UGGT2: variants seen among roughly 807,000 people sequenced by gnomAD.
UGGT2 encodes UDP-glucose:glycoprotein glucosyltransferase 2.
UGGT2 carries 180 observed loss-of-function variants against 192.1 expected under a neutral mutation model. The observed-to-expected ratio is 0.94, with a 90% CI of 0.83 to 1.06. The LOEUF (loss-of-function observed/expected upper bound fraction) is 1.06, where lower values mean the gene tolerates loss of function less well. Among genes scored for constraint, UGGT2 ranks in the 50% least tolerant of loss-of-function variants. The pLI is 0.00. For synonymous variants in UGGT2, 580 were observed against 591.0 expected (o/e 0.98, Z 0.27); for missense variants, 1,849 against 1,795.7 (o/e 1.03, Z -0.54).
chr13:95,855,664 C>A (rs1213975970), intron 34 of UGGT2, among the ~76,000 whole-genome samples: 1 of 152,010 alleles, frequency 6.6e-6, no homozygotes, highest in Non-Finnish European at 1.5e-5. Flanking sequence ...GCTGAGACTA[C>A]AGGCATAAGC....
intron 5 of UGGT2, among the ~76,000 whole-genome samples, chr13:95,999,521 A>G (rs1380435276): frequency 6.6e-6 from 1 of 152,230 alleles, no homozygotes; most frequent in African/African-American, 2.4e-5. Context: ...CTTTGTCATG[A>G]CTACTGTTTT....
intron 1 of UGGT2, among the ~76,000 whole-genome samples, chr13:96,036,467 T>C (rs1162114277): frequency 3.3e-5 from 5 of 151,904 alleles, no homozygotes. Context: ...CATACCTAGG[T>C]GATAGTTTGA....
intron 8 of UGGT2, among the ~76,000 whole-genome samples, chr13:95,988,301 T>C (rs928184979): frequency 2.6e-5 from 4 of 152,140 alleles, no homozygotes; most frequent in Non-Finnish European, 4.4e-5. Flanking sequence ...ATCAGGGATG[T>C]ACAAGTGATA....
chr13:95,823,967 T>C (rs569155957), intron 38 of UGGT2, among the ~76,000 whole-genome samples: 1 of 152,266 alleles, frequency 6.6e-6, no homozygotes, highest in African/African-American at 2.4e-5. Flanking sequence ...GGTTTGGTAG[T>C]AGCAAATTCC....
At chr13:95,860,684 G>T in intron 32 of UGGT2, 104 bp downstream of exon 32, 1 of 591,870 alleles carries the variant, frequency 1.7e-6, no homozygotes. Flanking sequence ...GGAAACAGAG[G>T]TGGGAGTTTT....
intron 9 of UGGT2, among the ~76,000 whole-genome samples, chr13:95,984,210 T>C (rs567376693): frequency 6.6e-6 from 1 of 152,326 alleles, no homozygotes; most frequent in Admixed American, 6.5e-5. Flanking sequence ...TATAAGTACA[T>C]GAATATACGT....
At chr13:95,959,176 C>A (rs2050309473) in intron 12 of UGGT2, among the ~76,000 whole-genome samples, 1 of 152,236 alleles carries the variant, frequency 6.6e-6, no homozygotes, top group Admixed American at 6.5e-5. Flanking sequence ...GGCAGTCACA[C>A]TGCCTCCCCA....
At chr13:95,856,825 T>C (rs1178807381) in intron 33 of UGGT2, 1 of 214,580 alleles carries the variant, frequency 4.7e-6, no homozygotes, top group Admixed American at 5.5e-5. Flanking sequence ...ATGTTTGAGA[T>C]ATATCATTAT....
chr13:95,902,889 A>G lies in UGGT2; in HGVS notation c.2467T>C (p.Tyr823His). 1 of 1,613,464 alleles carries G rather than the reference A, an allele frequency of 6.2e-7. No homozygotes were observed. The highest frequency in any genetic ancestry group is 8.5e-7 in the Non-Finnish European group (1 of 1,179,588). ...AATGTTTTAATTTTATCTCCAGAGT[A>G]AATAGCTGTAGCAATTTCTTCCTTT... ...LAKEEIATAI[Y>H]SGDKIKTFLI... The change falls in exon 21 of 39, where the codon TAC becomes CAC. Residue 823 changes from tyrosine to histidine, a missense_variant. Coordinates refer to ENST00000376747, the MANE Select transcript of UGGT2 (RefSeq NM_020121.4).
chr13:95,983,750 C>A, intron 10 of UGGT2, 54 bp downstream of exon 10: 1 of 1,294,004 alleles, frequency 7.7e-7, no homozygotes, highest in South Asian at 1.4e-5. Context: ...GATCCAAAGT[C>A]AGAAACAGTG....
At chr13:95,957,084 T>C (rs2050232457) in intron 12 of UGGT2, among the ~76,000 whole-genome samples, 1 of 152,200 alleles carries the variant, frequency 6.6e-6, no homozygotes, top group African/African-American at 2.4e-5. Flanking sequence ...CACAAAAGAA[T>C]ATTGTATAAT....
In UGGT2 at chr13:95,837,138, C is replaced by T. The variant is rs377563869; in HGVS notation, c.4349G>A (p.Cys1450Tyr). 67 of 1,613,954 alleles carry T rather than the reference C, an allele frequency of 4.2e-5. No individual in the cohort carries two copies. The highest frequency in any genetic ancestry group is 5.1e-5 in the Non-Finnish European group (60 of 1,179,980). ...GGATTCATCATCACACCAGGTTTCA[C>T]ACCACAGCCAGTCTTGAGGAAGAGA... is the stretch of plus-strand genomic sequence containing the variant. ...IKSLPQDWLW[C>Y]ETWCDDESKQ... The change falls in exon 37 of 39, where the codon TGT becomes TAT. Residue 1450 changes from cysteine to tyrosine, a missense_variant. Coordinates refer to ENST00000376747, the MANE Select transcript of UGGT2 (RefSeq NM_020121.4).
At chr13:95,804,550 A>G (rs1884213457) in intron 38 of UGGT2, among the ~76,000 whole-genome samples, 1 of 152,224 alleles carries the variant, frequency 6.6e-6, no homozygotes, top group Non-Finnish European at 1.5e-5. Flanking sequence ...ATTTTATAAC[A>G]TATTACAAAG....
intron 38 of UGGT2, among the ~76,000 whole-genome samples, chr13:95,817,344 C>G (rs1213257860): frequency 6.6e-6 from 1 of 152,060 alleles, no homozygotes; most frequent in Non-Finnish European, 1.5e-5. Context: ...CAGCACTTTG[C>G]GGGGCTAAGG....
intron 1 of UGGT2, among the ~76,000 whole-genome samples, chr13:96,038,322 T>C (rs2053065156): frequency 6.6e-6 from 1 of 152,218 alleles, no homozygotes; most frequent in African/African-American, 2.4e-5. Flanking sequence ...GCATATATGA[T>C]ACCTTACAGT....
chr13:95,914,912 A>C (rs2048633572), intron 20 of UGGT2, among the ~76,000 whole-genome samples: 1 of 137,032 alleles, frequency 7.3e-6, no homozygotes, highest in South Asian at 2.3e-4. Context: ...TTTAACTGTC[A>C]AGAACATCAC....
rs1884205766 is a variant in UGGT2, at chr13:95,804,376, C to A, written c.4529-2564G>T. On this transcript the variant is annotated intron_variant, in intron 38 of 38. Coordinates refer to ENST00000376747, the MANE Select transcript of UGGT2 (RefSeq NM_020121.4). ...GAAATTTAATATTAAGATGTCTATA[C>A]TACCCAAAGCAATCTACAGATTCAG... 1.3e-5 allele frequency among the ~76,000 whole-genome samples: 2 copies of A among 152,124 alleles called. 1 individual carries two copies. Among genetic ancestry groups the A allele is most frequent in the South Asian group, 4.1e-4 (2 of 4,832 alleles).
chr13:95,952,677 T>C (rs2050103390), intron 12 of UGGT2, among the ~76,000 whole-genome samples: 1 of 152,182 alleles, frequency 6.6e-6, no homozygotes, highest in African/African-American at 2.4e-5. Flanking sequence ...ATTTACCAAG[T>C]CACGAGGAAA....
At chr13:96,033,830 G>A (rs2052914013) in intron 1 of UGGT2, among the ~76,000 whole-genome samples, 1 of 152,228 alleles carries the variant, frequency 6.6e-6, no homozygotes, top group South Asian at 2.1e-4. Context: ...GGAGCAGCTT[G>A]GCACAGGCCT....
Sources: gnomAD v4.1 joint callset for allele counts (sites outside exome capture counted in the v4.1 genomes callset) on GRCh38, gnomAD v4.1.1 for gene constraint, MANE v1.5 for transcripts, NCBI Gene and HGNC (gene_info 2026-07-23, HGNC 2026-07-21) for gene names.